ORM1: variants seen among roughly 807,000 people sequenced by gnomAD.
ORM1 encodes orosomucoid 1.
Under a neutral mutation model 26.9 loss-of-function variants are expected in ORM1, and 13 were observed. The ratio of observed to expected loss-of-function variants is 0.48; its 90% CI spans 0.31 to 0.77. The LOEUF is 0.77. ORM1 is among the 30% of genes least tolerant of loss of function. The pLI is 0.04. For synonymous variants in ORM1, 76 were observed against 102.2 expected, an observed-to-expected ratio of 0.74 and a Z score of 1.55; for missense variants, 189 against 246.8, an observed-to-expected ratio of 0.77 and a Z score of 1.57.
intron 5 of ORM1, among the ~76,000 whole-genome samples, chr9:114,325,767 C>CAAAGAA (rs1251173403): frequency 6.6e-6 from 1 of 152,158 alleles, no homozygotes; most frequent in African/African-American, 2.4e-5. Context: ...CATGACTATT[C>CAAAGAA]AAAGAAAAAC....
At chr9:114,324,729 G>C in intron 3 of ORM1, 61 bp from the exon 4 acceptor site, 2 of 1,391,952 alleles carry the variant, frequency 1.4e-6, no homozygotes. Context: ...CTCCTCACCT[G>C]TAAGACAGAC....
chr9:114,325,100 T>A lies in ORM1; in HGVS notation c.488T>A (p.Leu163His). The change falls in exon 5 of 6, where the codon CTC becomes CAC. Residue 163 changes from leucine to histidine, a missense_variant. Around this residue, in one of 3 missense-constraint regions of ORM1, gnomAD observed 163 missense variants for 157.7 expected, o/e 1.03. Transcript: ENST00000259396. ...CAACTGGGAGAGTTCTACGAAGCTC[T>A]CGACTGCTTGCGCATTCCCAAGTCA... ...KEQLGEFYEALDCLRIPKSDV... is the reference protein window; with the variant it reads ...KEQLGEFYEAHDCLRIPKSDV... 1 of 1,614,006 alleles carries A rather than the reference T, an allele frequency of 6.2e-7. No individual in the cohort carries two copies. Among genetic ancestry groups the A allele is most frequent in the Non-Finnish European group, 8.5e-7 (1 of 1,179,878 alleles).
At chr9:114,324,928 C>A (rs1829745683) in intron 4 of ORM1, 31 bp downstream of exon 4, 5 of 1,600,452 alleles carry the variant, frequency 3.1e-6, no homozygotes, top group East Asian at 4.5e-5. Flanking sequence ...CAAACTCATG[C>A]CCCTCTCAGG....
intron 1 of ORM1, 175 bp downstream of exon 1, chr9:114,323,422 C>A (rs1465830289): frequency 2.4e-6 from 2 of 826,752 alleles, no homozygotes; most frequent in Admixed American, 2.0e-5. Flanking sequence ...CACCCCCTGC[C>A]TCCAAACACA....
At chr9:114,325,843 A>G (rs1410783074) in intron 5 of ORM1, among the ~76,000 whole-genome samples, 1 of 152,032 alleles carries the variant, frequency 6.6e-6, no homozygotes, top group Non-Finnish European at 1.5e-5. Context: ...CCCCATCTGC[A>G]GTCCCAGGAT....
intron 1 of ORM1, 82 bp downstream of exon 1, chr9:114,323,329 G>T (rs1829714268): frequency 6.2e-7 from 1 of 1,612,568 alleles, no homozygotes; most frequent in Non-Finnish European, 8.5e-7. Context: ...GCTGGCTGTG[G>T]TCGGACCCCC....
intron 4 of ORM1, 43 bp from the exon 5 acceptor site, chr9:114,325,006 G>T: frequency 2.5e-6 from 4 of 1,605,550 alleles, no homozygotes; most frequent in Non-Finnish European, 3.4e-6. Flanking sequence ...CCTCCCGCCG[G>T]GCCCCACCAT....
At chr9:114,324,981 C>G (rs1829747119) in intron 4 of ORM1, 68 bp from the exon 5 acceptor site, 6 of 1,587,994 alleles carry the variant, frequency 3.8e-6, no homozygotes, top group Admixed American at 1.7e-5. Context: ...CCCCTAGAAC[C>G]CCAGCCCTCC....
rs953099029 is a variant in ORM1 at position 114,323,963 on chromosome 9, T to C, written c.258-55T>C. The C allele has an allele frequency of 1.1e-5, 17 of 1,604,860 alleles. No homozygotes were observed. In the South Asian group the frequency reaches 1.4e-4, roughly 14 times the overall value. ...CTTGCCCCAGGACTGTGATGGGCGATTGGCCACTTCTCAATAATCTTCCTG... is the reference window on the plus strand; with the variant it reads ...CTTGCCCCAGGACTGTGATGGGCGACTGGCCACTTCTCAATAATCTTCCTG... On this transcript the variant is annotated intron_variant, in intron 2 of 5. Transcript: ENST00000259396.
At chr9:114,324,726 C>A in intron 3 of ORM1, 64 bp from the exon 4 acceptor site, 1 of 1,358,832 alleles carries the variant, frequency 7.4e-7, no homozygotes, top group South Asian at 1.2e-5. Flanking sequence ...GGCCTCCTCA[C>A]CTGTAAGACA....
chr9:114,324,032 T>A lies in ORM1; in HGVS notation c.272T>A (p.Ile91Asn). ...TTTGGCTTTAGACAGGACCAGTGCA[T>A]CTATAACACCACCTACCTGAATGTC... The part of the protein sequence containing the change: ...REYQTRQDQC[I>N]YNTTYLNVQR... Residue 91 changes from isoleucine to asparagine, a missense_variant, in exon 3 of 6, where the codon ATC (isoleucine) becomes AAC (asparagine). Transcript: ENST00000259396. 6.2e-7 allele frequency: 1 copy of A among 1,613,946 alleles called. No individual in the cohort carries two copies. Among genetic ancestry groups the A allele is most frequent in the Admixed American group, 1.7e-5 (1 of 60,006 alleles).
intron 3 of ORM1, 149 bp from the exon 4 acceptor site, chr9:114,324,641 C>CA: frequency 1.4e-6 from 1 of 705,138 alleles, no homozygotes; most frequent in Non-Finnish European, 2.3e-6. Context: ...GGGCATGCAG[C>CA]AGGGGCTGGG....
chr9:114,324,212 G>C, intron 3 of ORM1, 124 bp downstream of exon 3: 2 of 930,378 alleles, frequency 2.1e-6, no homozygotes, highest in Middle Eastern at 2.5e-4. Flanking sequence ...ACATTTTTGA[G>C]CTCTAACGAT....
intron 4 of ORM1, 66 bp from the exon 5 acceptor site, chr9:114,324,983 C>T: frequency 6.3e-7 from 1 of 1,594,892 alleles, no homozygotes; most frequent in Non-Finnish European, 8.6e-7. Flanking sequence ...CCTAGAACCC[C>T]AGCCCTCCCT....
chr9:114,325,044 T>A lies in ORM1; in HGVS notation c.437-5T>A, dbSNP rs1160970655. The A allele has an allele frequency of 1.2e-6, 2 of 1,613,508 alleles. No individual in the cohort carries two copies. Among genetic ancestry groups the A allele is most frequent in the Non-Finnish European group, 1.7e-6 (2 of 1,179,668 alleles). On this transcript the variant is annotated splice_polypyrimidine_tract_variant and splice_region_variant and intron_variant, in intron 4 of 5. Coordinates refer to ENST00000259396, the MANE Select transcript of ORM1 (RefSeq NM_000607.4). ...CCCCAGTCAGTCTCCTTGCTCCCCC[T>A]GCAGCTGACAAGCCAGAGACGACCA...
At chr9:114,324,633 G>A (rs1248460456) in intron 3 of ORM1, among the ~76,000 whole-genome samples, 157 bp from the exon 4 acceptor site, 4 of 152,186 alleles carry the variant, frequency 2.6e-5, no homozygotes, top group African/African-American at 4.8e-5. Flanking sequence ...GTGGAGCTGG[G>A]CATGCAGCAG....
intron 5 of ORM1, among the ~76,000 whole-genome samples, chr9:114,325,449 G>C (rs1255288108): frequency 6.6e-6 from 1 of 151,726 alleles, no homozygotes; most frequent in African/African-American, 2.4e-5. Flanking sequence ...AATGCGGGGA[G>C]TTACCACCTA....
At position 114,323,201 on chromosome 9, in the gene ORM1, G is replaced by A. The variant is rs1463583931; in HGVS notation, c.68G>A (p.Cys23Tyr). The change falls in exon 1 of 6, where the codon TGT becomes TAT. Residue 23 changes from cysteine (C) to tyrosine (Y), a missense_variant. Physicochemically the swap from Cys to Tyr is radical, Grantham distance 194. This residue lies in a region of ORM1 where 20 missense variants were observed against 64.2 expected (regional missense o/e 0.31). Transcript: ENST00000259396. Reference sequence around the variant, plus strand: ...CTGCTGGAAGCCCAGATCCCATTGTGTGCCAACCTAGTACCGGTGCCCATC... The same window carrying A: ...CTGCTGGAAGCCCAGATCCCATTGTATGCCAACCTAGTACCGGTGCCCATC... ...LPLLEAQIPL[C>Y]ANLVPVPITN... is the part of the protein sequence containing the mutation. 1 of 1,588,284 alleles carries A rather than the reference G, an allele frequency of 6.3e-7. No homozygotes were observed. Among genetic ancestry groups the A allele is most frequent in the Admixed American group, 1.7e-5 (1 of 57,874 alleles).
intron 1 of ORM1, 92 bp downstream of exon 1, chr9:114,323,339 C>A (rs371637798): frequency 4.9e-5 from 79 of 1,609,560 alleles, no homozygotes; most frequent in Non-Finnish European, 6.5e-5. Flanking sequence ...GTCGGACCCC[C>A]ACTCCCGGCT....
Sources: gnomAD v4.1 joint callset for allele counts (sites outside exome capture counted in the v4.1 genomes callset) on GRCh38, gnomAD v4.1.1 for gene constraint, gnomAD v4.1.1 regional missense constraint, MANE v1.5 for transcripts, NCBI Gene and HGNC (gene_info 2026-07-23, HGNC 2026-07-21) for gene names.